The following AQP9 variants were observed in gnomAD, a reference collection of about 807,000 sequenced individuals.
AQP9 encodes aquaporin 9.
AQP9 carries 19 observed loss-of-function variants against 23.8 expected under a neutral mutation model. The observed-to-expected ratio is 0.80, with a 90% CI of 0.56 to 1.17. The LOEUF is 1.17. Among genes scored for constraint, AQP9 ranks in the 50% most tolerant of loss-of-function variants. The pLI, the probability that AQP9 is intolerant of heterozygous loss-of-function variation, is 0.00. For missense variants in AQP9, 413 were observed against 362.0 expected, an observed-to-expected ratio of 1.14 and a Z score of -1.14; for synonymous variants, 153 against 131.5, an observed-to-expected ratio of 1.16 and a Z score of -1.12.
chr15:58,170,933 T>TTTG (rs1315839783), intron 2 of AQP9, among the ~76,000 whole-genome samples: 22 of 151,634 alleles, frequency 1.5e-4, no homozygotes, highest in African/African-American at 3.4e-4. Flanking sequence ...CCCTTGGTTT[T>TTTG]TTGTTGTTGT....
At chr15:58,179,009 T>G (rs1239275335) in intron 4 of AQP9, 119 bp from the exon 5 acceptor site, 3 of 702,704 alleles carry the variant, frequency 4.3e-6, no homozygotes, top group Non-Finnish European at 4.7e-6. Flanking sequence ...CTAGGCATAT[T>G]GTAATATAAG....
At position 58,185,328 on chromosome 15, in the gene AQP9, T is replaced by G. The variant is rs1163209755; in HGVS notation, c.*1193T>G. ...GCTGACAATCTTTGCCAAATCTTCCTTGCTAGCCAGAAGTGGAATTGGCAG... is the reference window on the plus strand; with the variant it reads ...GCTGACAATCTTTGCCAAATCTTCCGTGCTAGCCAGAAGTGGAATTGGCAG... On this transcript the variant is annotated 3_prime_UTR_variant, in exon 6 of 6. Coordinates refer to ENST00000219919, the MANE Select transcript of AQP9 (RefSeq NM_020980.5). The G allele has an allele frequency of 6.6e-6, 1 of 152,640 alleles. No homozygotes were observed. Among genetic ancestry groups the G allele is most frequent in the Non-Finnish European group, 1.5e-5 (1 of 68,052 alleles). 9.5% of individuals were successfully genotyped at this position (152,640 alleles called of 1,614,324 possible).
intron 2 of AQP9, among the ~76,000 whole-genome samples, chr15:58,168,572 G>A (rs983265442): frequency 3.3e-5 from 5 of 150,204 alleles, no homozygotes; most frequent in East Asian, 2.0e-4. Flanking sequence ...TCCAAGGGTC[G>A]TCCAGGTTAA....
intron 4 of AQP9, among the ~76,000 whole-genome samples, chr15:58,176,741 G>A (rs1898766166): frequency 6.6e-6 from 1 of 151,624 alleles, no homozygotes; most frequent in Admixed American, 6.6e-5. Context: ...CTTTGGAGTA[G>A]CTAGGATTCC....
intron 1 of AQP9, among the ~76,000 whole-genome samples, chr15:58,164,814 C>G (rs1445523313): frequency 6.6e-6 from 1 of 152,048 alleles, no homozygotes; most frequent in Non-Finnish European, 1.5e-5. Context: ...GTAACTTATT[C>G]TCCTCTAAAG....
intron 1 of AQP9, chr15:58,151,983 AATC>A (rs1898159880): frequency 6.6e-6 from 1 of 152,160 alleles, no homozygotes; most frequent in African/African-American, 2.4e-5. Context: ...ACGGACTTAA[AATC>A]ACTATTGCAT....
chr15:58,147,765 C>A (rs1196016544), intron 1 of AQP9, among the ~76,000 whole-genome samples: 2 of 152,076 alleles, frequency 1.3e-5, no homozygotes, highest in Non-Finnish European at 2.9e-5. Context: ...TGCATCTATG[C>A]AAGACTCCTA....
intron 4 of AQP9, 151 bp downstream of exon 4, chr15:58,175,187 C>A: frequency 1.3e-6 from 1 of 767,120 alleles, no homozygotes; most frequent in Non-Finnish European, 2.1e-6. Flanking sequence ...TCTTGATAAT[C>A]GTTTTACCTT....
intron 4 of AQP9, among the ~76,000 whole-genome samples, chr15:58,177,458 T>TTCCAGAG (rs1374025367): frequency 1.3e-5 from 2 of 152,334 alleles, no homozygotes; most frequent in East Asian, 3.9e-4. Context: ...GGAGAAGGCA[T>TTCCAGAG]TCCAGAGAAG....
chr15:58,173,637 G>A (rs1476201173), intron 3 of AQP9, among the ~76,000 whole-genome samples: 2 of 152,162 alleles, frequency 1.3e-5, no homozygotes, highest in Admixed American at 6.5e-5. Context: ...CTGGGTGGGA[G>A]CCTCATTGCC....
intron 5 of AQP9, 37 bp from the exon 6 acceptor site, chr15:58,183,924 C>T: frequency 6.2e-7 from 1 of 1,606,574 alleles, no homozygotes; most frequent in Non-Finnish European, 8.5e-7. Context: ...AGGAGGAAGG[C>T]CAAGAAATGT....
chr15:58,157,500 C>A (rs1174436132), intron 1 of AQP9, among the ~76,000 whole-genome samples: 1 of 152,156 alleles, frequency 6.6e-6, no homozygotes, highest in Non-Finnish European at 1.5e-5. Context: ...CTGGTTAGTG[C>A]CCCCAAATGC....
chr15:58,162,538 A>G (rs1163190587), intron 1 of AQP9, among the ~76,000 whole-genome samples: 4 of 152,196 alleles, frequency 2.6e-5, no homozygotes, highest in Non-Finnish European at 5.9e-5. Flanking sequence ...TTAGGTGAAC[A>G]CCTATTTAGG....
At chr15:58,160,391 A>G (rs1393049010) in intron 1 of AQP9, among the ~76,000 whole-genome samples, 1 of 152,056 alleles carries the variant, frequency 6.6e-6, no homozygotes, top group Non-Finnish European at 1.5e-5. Context: ...AGCTCCTTAT[A>G]TATTATGGTT....
chr15:58,145,532 TAAAGTA>T (rs1270539847), intron 1 of AQP9, among the ~76,000 whole-genome samples: 7 of 151,812 alleles, frequency 4.6e-5, no homozygotes, highest in African/African-American at 1.7e-4. Flanking sequence ...TTTTTTAACT[TAAAGTA>T]AATCAATTTT....
chr15:58,151,884 C>T (rs4774290), intron 1 of AQP9: 113,523 of 151,946 alleles, frequency 0.75, 42,996 homozygotes, highest in Middle Eastern at 0.85. Context: ...CTTACCCTTA[C>T]CCTCAACCCC....
At chr15:58,147,885 C>G (rs1483245016) in intron 1 of AQP9, among the ~76,000 whole-genome samples, 1 of 140,864 alleles carries the variant, frequency 7.1e-6, no homozygotes, top group Non-Finnish European at 1.6e-5. Context: ...CCTGTATAAA[C>G]ACATGCACAC....
chr15:58,168,709 TG>T (rs1260476743), intron 2 of AQP9, among the ~76,000 whole-genome samples: 1 of 152,202 alleles, frequency 6.6e-6, no homozygotes, highest in East Asian at 1.9e-4. Context: ...TTCAAACTTT[TG>T]TCCAGCTTTT....
Position 58,166,717 on chromosome 15 carries a change from AC to A in AQP9, c.157del (p.Arg53ValfsTer37). Reference sequence around the variant, plus strand: ...TTGCCCAAGCTATTCTCAGTCGAGGACGTTTTGGAGGGGTCATCACTATCAA... The same window carrying A: ...TTGCCCAAGCTATTCTCAGTCGAGGAGTTTTGGAGGGGTCATCACTATCAA... ...CVAQAILSRG[R>X]FGGVITINVG... On this transcript the variant is annotated frameshift_variant, in exon 2 of 6. Transcript: ENST00000219919. LOFTEE classifies it high-confidence loss of function. 6.2e-7 allele frequency: 1 copy of A among 1,613,650 alleles called. No homozygotes were observed. Among genetic ancestry groups the A allele is most frequent in the Non-Finnish European group, 8.5e-7 (1 of 1,179,766 alleles).
Sources: allele counts gnomAD v4.1 joint callset (sites outside exome capture counted in the v4.1 genomes callset), GRCh38; gene constraint gnomAD v4.1.1; transcripts MANE v1.5; gene names NCBI Gene and HGNC (gene_info 2026-07-23, HGNC 2026-07-21).